Variants in GVQW3 observed in about 807,000 individuals in gnomAD.
GVQW3 encodes protein GVQW3.
GVQW3 carries 7 observed loss-of-function variants against 12.5 expected under a neutral mutation model. The observed-to-expected ratio is 0.56, with a 90% CI of 0.32 to 1.05. The LOEUF is 1.05. Among genes scored for constraint, GVQW3 ranks in the 50% least tolerant of loss-of-function variants. The pLI, the probability that GVQW3 is intolerant of heterozygous loss-of-function variation, is 0.04. For synonymous variants in GVQW3, 71 were observed against 67.2 expected (o/e 1.06, Z -0.28); for missense variants, 188 against 190.8 (o/e 0.99, Z 0.09).
chr11:76,400,173 C>T (rs369816103), intron 1 of GVQW3, among the ~76,000 whole-genome samples: 12 of 151,736 alleles, frequency 7.9e-5, no homozygotes, highest in South Asian at 2.1e-4. Context: ...AGTCCATTGG[C>T]GTGATCTCTA....
downstream of GVQW3, chr11:76,412,092 C>T (rs529986218): frequency 6.6e-5 from 10 of 152,330 alleles, no homozygotes; most frequent in East Asian, 1.5e-3. Flanking sequence ...AGAACTCAAC[C>T]GTTGTAAATT....
At chr11:76,408,742 T>A (rs1947063431), downstream of GVQW3, 1 of 152,272 alleles carries the variant, frequency 6.6e-6, no homozygotes, top group Middle Eastern at 3.4e-3. Flanking sequence ...CGAACGAGCA[T>A]CACACAGCAG....
At chr11:76,402,853 C>A (rs1947004256) in intron 1 of GVQW3, among the ~76,000 whole-genome samples, 1 of 152,086 alleles carries the variant, frequency 6.6e-6, no homozygotes, top group African/African-American at 2.4e-5. Flanking sequence ...CACACACCAC[C>A]ACACCCGACT....
At chr11:76,386,748 C>T (rs1946838473) in intron 1 of GVQW3, among the ~76,000 whole-genome samples, 1 of 152,162 alleles carries the variant, frequency 6.6e-6, no homozygotes, top group Non-Finnish European at 1.5e-5. Flanking sequence ...CCAGATTTTA[C>T]CAGGCGTTTA....
At chr11:76,400,939 A>T (rs942724399) in intron 1 of GVQW3, among the ~76,000 whole-genome samples, 42 of 151,736 alleles carry the variant, frequency 2.8e-4, no homozygotes, top group African/African-American at 9.9e-4. Context: ...CTATGTTTTT[A>T]TTTCTGGAAG....
chr11:76,400,608 C>A (rs1242216746), intron 1 of GVQW3, among the ~76,000 whole-genome samples: 1 of 151,278 alleles, frequency 6.6e-6, no homozygotes, highest in Non-Finnish European at 1.5e-5. Flanking sequence ...TTTAGTAGAG[C>A]CGGAGTTTCA....
chr11:76,390,308 C>T (rs1946879265), intron 1 of GVQW3, among the ~76,000 whole-genome samples: 1 of 152,140 alleles, frequency 6.6e-6, no homozygotes, highest in African/African-American at 2.4e-5. Flanking sequence ...GGCTTCTTAA[C>T]TAGCTATGTG....
rs547011337 is a variant in GVQW3, at chr11:76,406,798, G to A, written c.*3040G>A. ...CCAAGGCGGGTCGATCACGAAGTCA[G>A]GAGATCGAGACCAACCTGGCTAACA... On this transcript the variant is annotated 3_prime_UTR_variant, in exon 2 of 2. Transcript: ENST00000529331. 3.3e-5 allele frequency: 5 copies of A among 152,308 alleles called. No individual in the cohort carries two copies. Among genetic ancestry groups the A allele is most frequent in the African/African-American group, 1.2e-4 (5 of 41,564 alleles). The allele number at this position is 152,308 out of a possible 1,614,324, so 9.4% of individuals were successfully genotyped here.
At chr11:76,397,723 TAA>T (rs1946952179) in intron 1 of GVQW3, among the ~76,000 whole-genome samples, 1 of 152,216 alleles carries the variant, frequency 6.6e-6, no homozygotes, top group African/African-American at 2.4e-5. Flanking sequence ...GAGATACAAA[TAA>T]AAGTTGCATG....
At chr11:76,396,664 C>T (rs966850632) in intron 1 of GVQW3, among the ~76,000 whole-genome samples, 1 of 152,146 alleles carries the variant, frequency 6.6e-6, no homozygotes, top group Non-Finnish European at 1.5e-5. Context: ...TATAAACCTG[C>T]ATACCGGCTT....
rs1299368811 is a variant in GVQW3, at chr11:76,406,059, A to G, written c.*2301A>G. 1.3e-5 allele frequency: 2 copies of G among 152,158 alleles called. No homozygotes were observed. 9.4% of individuals were successfully genotyped at this position (152,158 alleles called of 1,614,324 possible). On this transcript the variant is annotated 3_prime_UTR_variant, in exon 2 of 2. Coordinates refer to ENST00000529331, the MANE Select transcript of GVQW3 (RefSeq NM_001347885.2). ...TCAATCGCAGCTCACTGTAGCCTCT[A>G]TCTCCTGGGCTCAAGTGATCCTCCC...
chr11:76,381,655 C>T lies in GVQW3; in HGVS notation c.-174C>T, dbSNP rs190128908. 2.1e-4 allele frequency: 126 copies of T among 613,838 alleles called. No individual in the cohort carries two copies. Among genetic ancestry groups the T allele is most frequent in the Non-Finnish European group, 3.2e-4 (116 of 367,620 alleles). The allele number at this position is 613,838 out of a possible 1,614,324, so 38.0% of individuals were successfully genotyped here. ...TTCCCAGAACGGATCTCCCCAGCCT[C>T]GACTGGAAGCTGAGGGACAAAAATT... On this transcript the variant is annotated 5_prime_UTR_variant, in exon 1 of 2. Coordinates refer to ENST00000529331, the MANE Select transcript of GVQW3 (RefSeq NM_001347885.2).
intron 1 of GVQW3, among the ~76,000 whole-genome samples, chr11:76,402,072 A>C (rs1946995070): frequency 1.3e-5 from 2 of 152,052 alleles, no homozygotes; most frequent in South Asian, 2.1e-4. Flanking sequence ...GCAGAAACTT[A>C]AGCCCTATCT....
rs1268117401 is a variant in GVQW3, at chr11:76,381,811, G to T, written c.-18G>T. 1 of 1,512,312 alleles carries T rather than the reference G, an allele frequency of 6.6e-7. No individual in the cohort carries two copies. Among genetic ancestry groups the T allele is most frequent in the Admixed American group, 2.1e-5 (1 of 48,340 alleles). 93.7% of individuals were successfully genotyped at this position (1,512,312 alleles called of 1,614,324 possible). A position where few individuals can be genotyped will look rare whatever the true frequency, so the allele number is the denominator to read the frequency against. The stretch of plus-strand genomic sequence containing the variant: ...CAGTCGTGGCCTGTTAAACGTTCCT[G>T]TGTTGTTCAGTGCCAGAATGAGTGA... On this transcript the variant is annotated 5_prime_UTR_variant, in exon 1 of 2. Coordinates refer to ENST00000529331, the MANE Select transcript of GVQW3 (RefSeq NM_001347885.2).
At chr11:76,384,406 T>C (rs771509594) in intron 1 of GVQW3, among the ~76,000 whole-genome samples, 7 of 152,238 alleles carry the variant, frequency 4.6e-5, no homozygotes, top group Non-Finnish European at 8.8e-5. Flanking sequence ...CACTACAACC[T>C]CCGCCTCCCA....
downstream of GVQW3, among the ~76,000 whole-genome samples, chr11:76,408,919 G>T (rs1947064300): frequency 6.6e-6 from 1 of 152,138 alleles, no homozygotes; most frequent in African/African-American, 2.4e-5. Flanking sequence ...GGACTTAAAA[G>T]TTCTGTGATT....
chr11:76,381,697 C>A lies in GVQW3; in HGVS notation c.-132C>A. On this transcript the variant is annotated 5_prime_UTR_variant, in exon 1 of 2. Transcript: ENST00000529331. ...ACAAAAATTCATAAAAGCAATTACT[C>A]TTTCCCGGCGAGGCTTCTAGAAGAG... The A allele has an allele frequency of 1.2e-6, 1 of 862,518 alleles. No individual in the cohort carries two copies. The highest frequency in any genetic ancestry group is 1.7e-6 in the Non-Finnish European group (1 of 587,552). 53.4% of individuals were successfully genotyped at this position (862,518 alleles called of 1,614,324 possible).
At chr11:76,403,066 G>C (rs1947006992) in intron 1 of GVQW3, among the ~76,000 whole-genome samples, 1 of 152,010 alleles carries the variant, frequency 6.6e-6, no homozygotes, top group African/African-American at 2.4e-5. Context: ...TCCTGCCTCA[G>C]CCTCCTGAGT....
intron 1 of GVQW3, among the ~76,000 whole-genome samples, chr11:76,400,004 TATAC>T (rs918503600): frequency 8.9e-5 from 7 of 78,854 alleles, no homozygotes; most frequent in African/African-American, 3.5e-4. Flanking sequence ...TCTCTCTCTG[TATAC>T]ACACACACAC....
Sources: gnomAD v4.1 joint callset for allele counts (sites outside exome capture counted in the v4.1 genomes callset) on GRCh38, gnomAD v4.1.1 for gene constraint, MANE v1.5 for transcripts, NCBI Gene and HGNC (gene_info 2026-07-23, HGNC 2026-07-21) for gene names.